Variants in CEP83 observed in about 807,000 individuals in gnomAD.
CEP83 encodes the protein centrosomal protein 83.
In CEP83, 70 loss-of-function variants were observed where a neutral mutation model predicts 101.9. The ratio of observed to expected loss-of-function variants is 0.69; its 90% CI spans 0.57 to 0.84. The LOEUF (loss-of-function observed/expected upper bound fraction) is 0.84. Among genes scored for constraint, CEP83 ranks in the 40% least tolerant of loss-of-function variants. The pLI, the probability that CEP83 is intolerant of heterozygous loss-of-function variation, is 0.00. For synonymous variants in CEP83, 264 were observed against 267.9 expected (o/e 0.99, Z 0.14); for missense variants, 715 against 787.2 (o/e 0.91, Z 1.10).
At chr12:94,299,587 C>T in the CEP83 span, among the ~76,000 whole-genome samples, 3 of 152,052 alleles carry the variant, frequency 2.0e-5, no homozygotes, top group Non-Finnish European at 4.4e-5. Flanking sequence ...GAGACAGGGT[C>T]TCACTCTTGT....
intron 11 of CEP83, among the ~76,000 whole-genome samples, chr12:94,346,659 C>G (rs533115737): frequency 1.1e-3 from 161 of 152,302 alleles, no homozygotes; most frequent in Middle Eastern, 3.4e-3. Context: ...CCCGCAGGAT[C>G]TGATGCTATC....
At chr12:94,286,295 A>T in the CEP83 span, among the ~76,000 whole-genome samples, 2 of 152,160 alleles carry the variant, frequency 1.3e-5, no homozygotes, top group African/African-American at 4.8e-5. Flanking sequence ...GAGAGCCTGA[A>T]GGAAACGGGA....
At chr12:94,423,499 T>A (rs1169907288) in intron 2 of CEP83, among the ~76,000 whole-genome samples, 1 of 149,182 alleles carries the variant, frequency 6.7e-6, no homozygotes, top group Non-Finnish European at 1.5e-5. Context: ...GTTTTTTTGA[T>A]CTCCTTGAAT....
intron 7 of CEP83, among the ~76,000 whole-genome samples, chr12:94,377,298 A>T (rs562872043): frequency 6.6e-6 from 1 of 152,308 alleles, no homozygotes; most frequent in South Asian, 2.1e-4. Flanking sequence ...TACCCTCATG[A>T]CCACATGACT....
At chr12:94,305,348 C>G (rs1593032778), downstream of CEP83, 8 of 894,770 alleles carry the variant, frequency 8.9e-6, no homozygotes, top group African/African-American at 3.4e-5. Flanking sequence ...AAAATGGCTG[C>G]TTGAGCTACT....
Position 94,436,755 on chromosome 12 carries a change from C to CG in CEP83, c.-154-1429dup, listed in dbSNP as rs537731817. ...CTGAGGCAGGAGAATCACTTGAACCCGGAGGAGGTTGCAGTGAGCCAAGAT... is the reference window on the plus strand; with the variant it reads ...CTGAGGCAGGAGAATCACTTGAACCCGGGAGGAGGTTGCAGTGAGCCAAGAT... On this transcript the variant is annotated intron_variant, in intron 1 of 16. Transcript: ENST00000397809. Among the ~76,000 whole-genome samples the CG allele has an allele frequency of 4.2e-3, 629 of 148,636 alleles. 17 individuals are homozygous for CG. Among genetic ancestry groups the CG allele is most frequent in the Non-Finnish European group, 1.5e-3 (100 of 67,358 alleles).
chr12:94,325,778 T>C (rs921477036), intron 14 of CEP83, among the ~76,000 whole-genome samples: 1 of 152,148 alleles, frequency 6.6e-6, no homozygotes, highest in African/African-American at 2.4e-5. Flanking sequence ...GAAGAATTCA[T>C]AGGCTTTATG....
chr12:94,376,560 G>C (rs117311107), intron 7 of CEP83, among the ~76,000 whole-genome samples: 1 of 151,848 alleles, frequency 6.6e-6, no homozygotes, highest in African/African-American at 2.4e-5. Context: ...AATTAAGATT[G>C]TTAATGAAGT....
At chr12:94,331,396 T>TTGC (rs2059212864) in intron 14 of CEP83, among the ~76,000 whole-genome samples, 1 of 131,078 alleles carries the variant, frequency 7.6e-6, no homozygotes, top group African/African-American at 2.8e-5. Context: ...CGACAGAGTC[T>TTGC]TGCTCTGTCA....
chr12:94,309,707 A>G (rs1320160929), intron 16 of CEP83, among the ~76,000 whole-genome samples: 1 of 152,196 alleles, frequency 6.6e-6, no homozygotes, highest in African/African-American at 2.4e-5. Context: ...CAGCACCAAC[A>G]CTAAAGGATC....
the CEP83 span, chr12:94,279,475 T>C: frequency 6.2e-7 from 1 of 1,612,850 alleles, no homozygotes; most frequent in Middle Eastern, 1.7e-4. Context: ...CTTGCAGGCA[T>C]TAAACGTCGT....
At chr12:94,317,653 C>T (rs1030075372) in intron 14 of CEP83, among the ~76,000 whole-genome samples, 2 of 152,082 alleles carry the variant, frequency 1.3e-5, no homozygotes, top group South Asian at 4.1e-4. Context: ...TATCCCAGCA[C>T]CATTTAATGA....
intron 14 of CEP83, among the ~76,000 whole-genome samples, chr12:94,328,956 A>G (rs1162525465): frequency 6.6e-6 from 1 of 152,196 alleles, no homozygotes; most frequent in East Asian, 1.9e-4. Flanking sequence ...AATTATACAT[A>G]CTTATATACT....
the CEP83 span, among the ~76,000 whole-genome samples, chr12:94,274,218 G>GTC: frequency 6.8e-6 from 1 of 146,210 alleles, no homozygotes; most frequent in Admixed American, 6.9e-5. Context: ...TGCACCTGTA[G>GTC]TCTCTGCTAT....
the CEP83 span, among the ~76,000 whole-genome samples, chr12:94,288,361 CTT>C: frequency 6.6e-6 from 1 of 152,186 alleles, no homozygotes; most frequent in Non-Finnish European, 1.5e-5. Context: ...CAGGATCACT[CTT>C]GAGTCTTAAG....
At chr12:94,341,951 T>A (rs577154662) in intron 11 of CEP83, among the ~76,000 whole-genome samples, 1 of 152,144 alleles carries the variant, frequency 6.6e-6, no homozygotes, top group East Asian at 1.9e-4. Flanking sequence ...AACATTAGAG[T>A]AGGATGCCTG....
chr12:94,266,126 T>G, the CEP83 span, among the ~76,000 whole-genome samples: 2 of 152,192 alleles, frequency 1.3e-5, no homozygotes, highest in Non-Finnish European at 2.9e-5. Context: ...CTTCTGTGGC[T>G]TTGCTCTGGA....
the CEP83 span, among the ~76,000 whole-genome samples, chr12:94,266,677 A>C: frequency 6.6e-6 from 1 of 152,236 alleles, no homozygotes. Flanking sequence ...ATGTTGGGCA[A>C]GTTTCTAAAC....
chr12:94,423,488 A>T (rs2064936447), intron 2 of CEP83, among the ~76,000 whole-genome samples: 1 of 147,214 alleles, frequency 6.8e-6, no homozygotes, highest in Admixed American at 6.7e-5. Context: ...AAAGAAAAAA[A>T]GTTTTTTTGA....
Sources: allele counts gnomAD v4.1 joint callset (sites outside exome capture counted in the v4.1 genomes callset), GRCh38; gene constraint gnomAD v4.1.1; transcripts MANE v1.5; gene names NCBI Gene and HGNC (gene_info 2026-07-23, HGNC 2026-07-21).